The following COMMD1 variants were observed in gnomAD, a reference collection of about 807,000 sequenced individuals.
COMMD1 encodes COMM domain-containing protein 1.
A neutral mutation model predicts 17.2 loss-of-function variants in COMMD1; 10 were observed. The observed-to-expected ratio is 0.58, with a 90% CI of 0.36 to 0.99. The LOEUF is 0.99. COMMD1 is among the 50% of genes least tolerant of loss of function. The pLI is 0.01. For missense variants in COMMD1, 270 were observed against 231.8 expected (o/e 1.17, Z -1.07); for synonymous variants, 97 against 91.6 (o/e 1.06, Z -0.34).
intron 1 of COMMD1, among the ~76,000 whole-genome samples, chr2:61,923,985 C>T (rs921608445): frequency 2.6e-5 from 4 of 152,160 alleles, no homozygotes; most frequent in African/African-American, 9.7e-5. Context: ...CCATGTTGCC[C>T]AGGCTGATCT....
chr2:61,939,623 C>T (rs1670688802), intron 1 of COMMD1, among the ~76,000 whole-genome samples: 1 of 152,142 alleles, frequency 6.6e-6, no homozygotes, highest in African/African-American at 2.4e-5. Flanking sequence ...TCTTACTGAA[C>T]TTATGCAAAT....
At chr2:61,969,565 G>T (rs1424736827) in intron 1 of COMMD1, among the ~76,000 whole-genome samples, 2 of 152,156 alleles carry the variant, frequency 1.3e-5, no homozygotes, top group Non-Finnish European at 2.9e-5. Context: ...TTTGTTTTTG[G>T]TTACTGTGAG....
intron 2 of COMMD1, among the ~76,000 whole-genome samples, chr2:62,055,732 T>C (rs1354653411): frequency 1.3e-5 from 2 of 152,232 alleles, no homozygotes; most frequent in Non-Finnish European, 2.9e-5. Context: ...GAGTTGATCC[T>C]AAGGACATTT....
intron 1 of COMMD1, among the ~76,000 whole-genome samples, chr2:61,984,254 G>A (rs1672041377): frequency 6.6e-6 from 1 of 152,186 alleles, no homozygotes; most frequent in African/African-American, 2.4e-5. Context: ...TCGAACTCCT[G>A]ACCTCAGGTG....
chr2:61,937,513 A>G (rs950785025), intron 1 of COMMD1, among the ~76,000 whole-genome samples: 1 of 152,232 alleles, frequency 6.6e-6, no homozygotes, highest in Non-Finnish European at 1.5e-5. Flanking sequence ...TAGCCAATTA[A>G]TTATCCTAAG....
At chr2:62,049,649 C>A (rs1302744319) in intron 2 of COMMD1, among the ~76,000 whole-genome samples, 1 of 152,312 alleles carries the variant, frequency 6.6e-6, no homozygotes, top group East Asian at 1.9e-4. Flanking sequence ...TATTGCTGAA[C>A]AGGCCTTTAT....
intron 1 of COMMD1, among the ~76,000 whole-genome samples, chr2:61,933,505 CT>C (rs1670523951): frequency 6.6e-6 from 1 of 151,896 alleles, no homozygotes; most frequent in Non-Finnish European, 1.5e-5. Context: ...GAGCCCAGCC[CT>C]TATGTATCAA....
chr2:61,944,649 T>C (rs1380377927), intron 1 of COMMD1, among the ~76,000 whole-genome samples: 2 of 152,026 alleles, frequency 1.3e-5, no homozygotes, highest in Non-Finnish European at 2.9e-5. Flanking sequence ...TGGTACAAGG[T>C]AATTTCTGGC....
At chr2:62,130,776 C>G (rs1673009132) in intron 2 of COMMD1, among the ~76,000 whole-genome samples, 1 of 152,154 alleles carries the variant, frequency 6.6e-6, no homozygotes, top group South Asian at 2.1e-4. Context: ...AAGAATTGCT[C>G]AGAACCTAGT....
At chr2:62,058,746 A>C (rs1305962746) in intron 2 of COMMD1, among the ~76,000 whole-genome samples, 5 of 152,108 alleles carry the variant, frequency 3.3e-5, no homozygotes, top group Admixed American at 3.3e-4. Context: ...TCAAAAAAAA[A>C]AGGTGGGAGG....
intron 1 of COMMD1, among the ~76,000 whole-genome samples, chr2:61,909,701 G>A (rs4671412): frequency 0.071 from 10,806 of 152,220 alleles, 730 homozygotes; most frequent in African/African-American, 0.17. Context: ...CATACTTTCA[G>A]TTATCTATGT....
At chr2:62,069,564 G>A (rs765412473) in intron 2 of COMMD1, 4 of 152,144 alleles carry the variant, frequency 2.6e-5, no homozygotes, top group Admixed American at 6.5e-5. Flanking sequence ...GATGTGGGTG[G>A]TGGGTAGGGC....
chr2:61,969,007 G>A (rs1216447402), intron 1 of COMMD1: 1 of 443,070 alleles, frequency 2.3e-6, no homozygotes, highest in Non-Finnish European at 4.5e-6. Flanking sequence ...GAGTGCAATG[G>A]GTATTCATAG....
intron 2 of COMMD1, among the ~76,000 whole-genome samples, chr2:62,011,273 G>A (rs1669270147): frequency 6.6e-6 from 1 of 152,072 alleles, no homozygotes; most frequent in South Asian, 2.1e-4. Flanking sequence ...GTTAATTTTG[G>A]CTGGTGTACA....
intron 2 of COMMD1, among the ~76,000 whole-genome samples, chr2:62,104,092 C>T (rs1350669674): frequency 6.6e-6 from 1 of 152,188 alleles, no homozygotes; most frequent in Non-Finnish European, 1.5e-5. Context: ...CCACTCGCTT[C>T]AGCCTCCCAA....
At chr2:62,045,381 T>A (rs1670349717) in intron 2 of COMMD1, among the ~76,000 whole-genome samples, 1 of 152,158 alleles carries the variant, frequency 6.6e-6, no homozygotes, top group Non-Finnish European at 1.5e-5. Context: ...TCCAGCCACA[T>A]GGCTGCTGAG....
chr2:61,966,894 G>A lies in COMMD1; in HGVS notation c.181-33807G>A, dbSNP rs115661205. On this transcript the variant is annotated intron_variant, in intron 1 of 2. Transcript: ENST00000311832. ...GGCTTCTATTTATCTAAGAAGACCCGGGCATACACAACAGTGGTTTTTAAA... is the reference window on the plus strand; with the variant it reads ...GGCTTCTATTTATCTAAGAAGACCCAGGCATACACAACAGTGGTTTTTAAA... Among the ~76,000 whole-genome samples the A allele has an allele frequency of 6.8e-3, 1,037 of 152,086 alleles. 15 individuals are homozygous for A. The highest frequency in any genetic ancestry group is 0.023 in the African/African-American group (970 of 41,526).
chr2:62,064,467 C>T (rs1339359759), intron 2 of COMMD1, among the ~76,000 whole-genome samples: 2 of 152,202 alleles, frequency 1.3e-5, no homozygotes, highest in Admixed American at 6.5e-5. Flanking sequence ...TGCCACCATG[C>T]CGGGTCCATA....
intron 1 of COMMD1, among the ~76,000 whole-genome samples, chr2:61,980,666 T>C (rs1438384664): frequency 6.9e-6 from 1 of 144,566 alleles, no homozygotes; most frequent in Non-Finnish European, 1.5e-5. Context: ...GTCAGATGAG[T>C]AGGTTGCGAA....
Sources: gnomAD v4.1 joint callset for allele counts (sites outside exome capture counted in the v4.1 genomes callset) on GRCh38, gnomAD v4.1.1 for gene constraint, MANE v1.5 for transcripts, NCBI Gene and HGNC (gene_info 2026-07-23, HGNC 2026-07-21) for gene names.